NOM1: variants seen among roughly 807,000 people sequenced by gnomAD.
NOM1 encodes the protein nucleolar MIF4G domain-containing protein 1.
Under a neutral mutation model 73.3 loss-of-function variants are expected in NOM1, and 58 were observed. The ratio of observed to expected loss-of-function variants is 0.79; its 90% CI spans 0.64 to 0.99. The LOEUF is 0.99. NOM1 is among the 50% of genes least tolerant of loss of function. The pLI is 0.00. For synonymous variants in NOM1, 487 were observed against 446.8 expected (o/e 1.09, Z -1.14); for missense variants, 1,226 against 1,131.9 (o/e 1.08, Z -1.19).
At position 156,971,627 on chromosome 7, in the gene NOM1, G is replaced by T. The variant is rs1220279279; in HGVS notation, c.*1924G>T. ...ACCGGGATTATAGGCGTGAGCCCCC[G>T]TGCCTGGCCTCAAATTTTATTTTAG... On this transcript the variant is annotated 3_prime_UTR_variant, in exon 11 of 11. Coordinates refer to ENST00000275820, the MANE Select transcript of NOM1 (RefSeq NM_138400.2). 6.6e-6 allele frequency: 1 copy of T among 152,240 alleles called. No homozygotes were observed. The highest frequency in any genetic ancestry group is 2.4e-5 in the African/African-American group (1 of 41,448). 9.4% of individuals were successfully genotyped at this position (152,240 alleles called of 1,614,324 possible).
intron 4 of NOM1, 134 bp downstream of exon 4, chr7:156,960,308 T>G (rs1476512165): frequency 5.6e-6 from 4 of 711,980 alleles, no homozygotes; most frequent in Non-Finnish European, 9.4e-6. Flanking sequence ...CTCATCCTGT[T>G]TTCTGGCTTT....
intron 3 of NOM1, among the ~76,000 whole-genome samples, chr7:156,956,374 G>A (rs372126586): frequency 1.3e-5 from 2 of 152,142 alleles, no homozygotes; most frequent in Admixed American, 6.5e-5. Flanking sequence ...GTGTCCAGTC[G>A]TTAAGGTCAA....
chr7:156,956,598 T>C (rs529915013), intron 3 of NOM1, among the ~76,000 whole-genome samples: 34 of 152,336 alleles, frequency 2.2e-4, no homozygotes, highest in Non-Finnish European at 3.5e-4. Context: ...GGTGGCAGCT[T>C]TTTGAAAGGC....
Position 156,966,394 on chromosome 7 carries a change from A to T in NOM1, c.2158A>T (p.Arg720Ter). 1 of 1,614,144 alleles carries T rather than the reference A, an allele frequency of 6.2e-7. No homozygotes were observed. Among genetic ancestry groups the T allele is most frequent in the Non-Finnish European group, 8.5e-7 (1 of 1,180,030 alleles). The change falls in exon 8 of 11, where the codon AGA (arginine) becomes TGA (stop). Residue 720 changes from arginine to a stop codon, truncating the protein, a stop_gained. Coordinates refer to ENST00000275820, the MANE Select transcript of NOM1 (RefSeq NM_138400.2). LOFTEE classifies it high-confidence loss of function. ...TAGCAAATTCTGTGAATATGAAAGGAGATTTCAGGTAGCTTAGTGCGGAGG... is the reference window on the plus strand; with the variant it reads ...TAGCAAATTCTGTGAATATGAAAGGTGATTTCAGGTAGCTTAGTGCGGAGG... ...LASKFCEYER[R>*]FQMTFQFSIW...
rs182837764 is a variant in NOM1, at chr7:156,970,014, G to A, written c.*311G>A. The A allele has an allele frequency of 5.6e-4, 94 of 167,884 alleles. No individual in the cohort carries two copies. The highest frequency in any genetic ancestry group is 1.3e-3 in the East Asian group (8 of 6,294). 10.4% of individuals were successfully genotyped at this position (167,884 alleles called of 1,614,324 possible). The stretch of plus-strand genomic sequence containing the variant: ...AATTTTTTAATAGATATGGCCGAGC[G>A]TGATGGCTCACCCCTGTAATCCCAG... On this transcript the variant is annotated 3_prime_UTR_variant, in exon 11 of 11. Coordinates refer to ENST00000275820, the MANE Select transcript of NOM1 (RefSeq NM_138400.2).
chr7:156,961,977 C>T (rs79017537), intron 4 of NOM1, among the ~76,000 whole-genome samples, 174 bp from the exon 5 acceptor site: 8,814 of 152,084 alleles, frequency 0.058, 342 homozygotes, highest in African/African-American at 0.1. Flanking sequence ...ATTATGTAGC[C>T]CTGAGTAAGC....
chr7:156,950,791 G>A, intron 1 of NOM1, 67 bp downstream of exon 1: 1 of 1,395,232 alleles, frequency 7.2e-7, no homozygotes, highest in South Asian at 1.4e-5. Flanking sequence ...GGAATGGGGC[G>A]TGAGGCAGAA....
Position 156,966,328 on chromosome 7 carries a change from C to G in NOM1, c.2092C>G (p.Leu698Val), listed in dbSNP as rs1185743210. Residue 698 changes from leucine (L) to valine (V), a missense_variant, in exon 8 of 11, where the codon CTT (leucine) becomes GTT (valine). Transcript: ENST00000275820. ...EIIHVLMDCC[L>V]QEKTYNPFYA... ...CATTCACGTTCTCATGGATTGCTGC[C>G]TTCAAGAGAAAACTTACAATCCCTT... The G allele has an allele frequency of 8.1e-6, 13 of 1,614,074 alleles. No individual in the cohort carries two copies. In the Admixed American group the frequency reaches 2.0e-4, roughly 25 times the overall value.
chr7:156,952,339 T>C (rs977255126), intron 1 of NOM1, 135 bp from the exon 2 acceptor site: 4 of 877,038 alleles, frequency 4.6e-6, no homozygotes, highest in African/African-American at 1.7e-5. Context: ...AAATCTGATG[T>C]ATTTAAGCAG....
At chr7:156,954,334 G>A in intron 3 of NOM1, 36 bp downstream of exon 3, 1 of 1,513,884 alleles carries the variant, frequency 6.6e-7, no homozygotes, top group Non-Finnish European at 8.9e-7. Flanking sequence ...TGTCACTAGT[G>A]TCTCATGGTG....
chr7:156,967,188 C>A, intron 9 of NOM1, 96 bp downstream of exon 9: 2 of 1,407,248 alleles, frequency 1.4e-6, no homozygotes, highest in South Asian at 2.7e-5. Context: ...AGCGTATTTT[C>A]TTCGATTCTG....
intron 8 of NOM1, 144 bp downstream of exon 8, chr7:156,966,546 C>T: frequency 2.1e-6 from 2 of 950,562 alleles, no homozygotes; most frequent in Non-Finnish European, 3.2e-6. Flanking sequence ...GCTGCCAGGC[C>T]ACCTTCACTG....
intron 3 of NOM1, among the ~76,000 whole-genome samples, chr7:156,955,668 T>C (rs4716663): frequency 0.78 from 118,372 of 152,116 alleles, 46,144 homozygotes; most frequent in Admixed American, 0.85. Context: ...TTACTGAAGC[T>C]TGCTTTGCAG....
At chr7:156,962,313 T>C (rs1364104627) in intron 5 of NOM1, 52 bp downstream of exon 5, 2 of 1,398,454 alleles carry the variant, frequency 1.4e-6, no homozygotes, top group East Asian at 2.3e-5. Context: ...CGTGTCGGCA[T>C]GAGCCTGTCA....
chr7:156,963,440 A>G lies in NOM1; in HGVS notation c.1911+265A>G, dbSNP rs1804917817. 4 of 520,078 alleles carry G rather than the reference A, an allele frequency of 7.7e-6. No individual in the cohort carries two copies. In the Admixed American group the frequency reaches 1.2e-4, roughly 16 times the overall value. The allele number at this position is 520,078 out of a possible 1,614,324, so 32.2% of individuals were successfully genotyped here. On this transcript the variant is annotated intron_variant, in intron 6 of 10. Transcript: ENST00000275820. Reference sequence around the variant, plus strand: ...GGAGCGCATGAGGACCTGAACGCTCACGGGGCAGGAGTCCGTTGCTGAGAC... The same window carrying G: ...GGAGCGCATGAGGACCTGAACGCTCGCGGGGCAGGAGTCCGTTGCTGAGAC...
intron 3 of NOM1, 64 bp from the exon 4 acceptor site, chr7:156,959,787 G>T: frequency 6.8e-7 from 1 of 1,462,756 alleles, no homozygotes; most frequent in South Asian, 1.2e-5. Context: ...CCAGTTCTGT[G>T]TGTTGAAGGA....
Position 156,950,361 on chromosome 7 carries a change from G to A in NOM1, c.624G>A (p.Pro208=). Residue 208 remains proline, a synonymous_variant, in exon 1 of 11, where the codon CCG becomes CCA. Coordinates refer to ENST00000275820, the MANE Select transcript of NOM1 (RefSeq NM_138400.2). Reference sequence around the variant, plus strand: ...AGAAGGACGGCAGCAGCTCCGTGCCGCTGAGCTTTGCACGCGACGGTCTTG... The same window carrying A: ...AGAAGGACGGCAGCAGCTCCGTGCCACTGAGCTTTGCACGCGACGGTCTTG... ...RKKKDGSSSV[P]LSFARDGLDY... The A allele has an allele frequency of 6.2e-6, 10 of 1,614,218 alleles. No individual in the cohort carries two copies. Among genetic ancestry groups the A allele is most frequent in the Non-Finnish European group, 8.5e-6 (10 of 1,180,024 alleles).
Position 156,954,205 on chromosome 7 carries a change from G to C in NOM1, c.1215G>C (p.Met405Ile), listed in dbSNP as rs754877489. The C allele has an allele frequency of 2.5e-6, 4 of 1,613,674 alleles. No individual in the cohort carries two copies. Among genetic ancestry groups the C allele is most frequent in the Non-Finnish European group, 3.4e-6 (4 of 1,179,890 alleles). ...ATGACACCCTGACCTCCGCTCTCAT[G>C]GGTGCCTGCGTCACTGCCTCGGCCA... is the stretch of plus-strand genomic sequence containing the variant. ...DMNDTLTSAL[M>I]GACVTASAMP... is the part of the protein sequence containing the mutation. The change falls in exon 3 of 11, where the codon ATG becomes ATC. Residue 405 changes from methionine (M) to isoleucine (I), a missense_variant. Met to Ile is a conservative substitution (Grantham distance 10, BLOSUM62 1). Transcript: ENST00000275820.
Position 156,950,343 on chromosome 7 carries a change from C to T in NOM1, c.606C>T (p.Asp202=). ...CLGLNKRKKK[D]GSSSVPLSFA... ...GTTTGAACAAGCGCAAAAAGAAGGA[C>T]GGCAGCAGCTCCGTGCCGCTGAGCT... Residue 202 remains aspartate (D), a synonymous_variant, in exon 1 of 11, where the codon GAC becomes GAT. Transcript: ENST00000275820. The T allele has an allele frequency of 6.2e-7, 1 of 1,614,092 alleles. No individual in the cohort carries two copies. Among genetic ancestry groups the T allele is most frequent in the Non-Finnish European group, 8.5e-7 (1 of 1,179,926 alleles).
Sources: gnomAD v4.1 joint callset for allele counts (sites outside exome capture counted in the v4.1 genomes callset) on GRCh38, gnomAD v4.1.1 for gene constraint, MANE v1.5 for transcripts, NCBI Gene and HGNC (gene_info 2026-07-23, HGNC 2026-07-21) for gene names.